Variants in SETBP1 observed in about 807,000 individuals in gnomAD.
SETBP1 encodes SET binding protein 1, also known as SET-binding protein.
A neutral mutation model predicts 101.0 loss-of-function variants in SETBP1; 9 were observed. The ratio of observed to expected loss-of-function variants is 0.09; its 90% confidence interval spans 0.05 to 0.16. The LOEUF (loss-of-function observed/expected upper bound fraction) is 0.16. Among genes scored for constraint, SETBP1 ranks in the 10% least tolerant of loss-of-function variants. The pLI is 1.00. For missense variants in SETBP1, 1,858 were observed against 2,033.8 expected (o/e 0.91, Z 1.66); for synonymous variants, 818 against 788.5 (o/e 1.04, Z -0.63).
chr18:44,773,754 A>G (rs985652893), intron 2 of SETBP1, among the ~76,000 whole-genome samples: 4 of 151,324 alleles, frequency 2.6e-5, no homozygotes, highest in Admixed American at 6.6e-5. Context: ...TGATAAAAGT[A>G]GGTTCATACC....
chr18:44,974,184 C>T (rs1335675404), intron 4 of SETBP1, among the ~76,000 whole-genome samples: 2 of 152,152 alleles, frequency 1.3e-5, no homozygotes, highest in Non-Finnish European at 2.9e-5. Context: ...CCATAATTAT[C>T]ATAGGCCAAT....
intron 3 of SETBP1, chr18:44,876,633 A>T (rs1249256981): frequency 6.4e-7 from 1 of 1,551,470 alleles, no homozygotes. Context: ...TCAAAAAGCA[A>T]TTCCTGTCCC....
intron 1 of SETBP1, among the ~76,000 whole-genome samples, chr18:44,698,696 C>T (rs1389833979): frequency 6.6e-6 from 1 of 152,178 alleles, no homozygotes; most frequent in Non-Finnish European, 1.5e-5. Context: ...AAACTTTCTT[C>T]CTTTTGATTC....
intron 4 of SETBP1, among the ~76,000 whole-genome samples, chr18:45,004,249 T>G (rs2072678913): frequency 6.6e-6 from 1 of 152,224 alleles, no homozygotes; most frequent in East Asian, 1.9e-4. Flanking sequence ...GACCAATTAT[T>G]GTGGTTTTCT....
intron 2 of SETBP1, among the ~76,000 whole-genome samples, chr18:44,710,568 C>G (rs1176073711): frequency 2.7e-5 from 4 of 150,206 alleles, no homozygotes; most frequent in African/African-American, 9.8e-5. Flanking sequence ...TCTCCTGCCT[C>G]AGCCTCCCAA....
intron 3 of SETBP1, among the ~76,000 whole-genome samples, chr18:44,878,192 C>T (rs556040943): frequency 6.6e-6 from 1 of 152,228 alleles, no homozygotes; most frequent in South Asian, 2.1e-4. Flanking sequence ...CAAAGTGAGG[C>T]CAACTGGTTG....
intron 3 of SETBP1, among the ~76,000 whole-genome samples, chr18:44,880,269 G>A (rs1248359196): frequency 6.6e-6 from 1 of 152,146 alleles, no homozygotes; most frequent in African/African-American, 2.4e-5. Context: ...GGAGTGAGAG[G>A]GCATCTGCAG....
intron 4 of SETBP1, among the ~76,000 whole-genome samples, chr18:45,027,495 T>C (rs1475414399): frequency 6.6e-6 from 1 of 152,194 alleles, no homozygotes; most frequent in Non-Finnish European, 1.5e-5. Flanking sequence ...AAAATATCCA[T>C]TGAATAATTT....
intron 2 of SETBP1, among the ~76,000 whole-genome samples, chr18:44,776,690 G>A (rs2071011462): frequency 6.6e-6 from 1 of 152,216 alleles, no homozygotes; most frequent in Non-Finnish European, 1.5e-5. Flanking sequence ...CAAAAAAATA[G>A]TAAAGAAATA....
At chr18:44,917,306 C>T (rs1215877657) in intron 3 of SETBP1, among the ~76,000 whole-genome samples, 1 of 152,126 alleles carries the variant, frequency 6.6e-6, no homozygotes, top group African/African-American at 2.4e-5. Flanking sequence ...ACAGTGCTTT[C>T]CAAGTGCTGT....
chr18:44,709,632 C>T (rs1365789582), intron 2 of SETBP1, among the ~76,000 whole-genome samples: 1 of 152,118 alleles, frequency 6.6e-6, no homozygotes, highest in African/African-American at 2.4e-5. Flanking sequence ...GCATCTCTCC[C>T]TGCGGACCAT....
At chr18:44,852,923 T>G (rs892845855) in intron 2 of SETBP1, among the ~76,000 whole-genome samples, 1 of 152,184 alleles carries the variant, frequency 6.6e-6, no homozygotes, top group Non-Finnish European at 1.5e-5. Context: ...TGATGAGGTA[T>G]GAGCAGCTGC....
At chr18:44,697,286 TG>T (rs1299998625) in intron 1 of SETBP1, 2 of 152,266 alleles carry the variant, frequency 1.3e-5, no homozygotes, top group Non-Finnish European at 2.9e-5. Context: ...AGGTACGTGC[TG>T]GGAAGGAAGC....
At chr18:45,028,565 A>T (rs1296838097) in intron 4 of SETBP1, among the ~76,000 whole-genome samples, 1 of 152,186 alleles carries the variant, frequency 6.6e-6, no homozygotes, top group Non-Finnish European at 1.5e-5. Flanking sequence ...TTCTAGTTCT[A>T]GATCCCCGAG....
At chr18:44,680,179 G>A (rs1353546825), upstream of SETBP1, 2 of 142,884 alleles carry the variant, frequency 1.4e-5, no homozygotes, top group Non-Finnish European at 3.1e-5. Flanking sequence ...CGGGAAGCGC[G>A]GGGCCGGCCG....
chr18:44,746,680 T>C (rs771113729), intron 2 of SETBP1, among the ~76,000 whole-genome samples: 1 of 152,234 alleles, frequency 6.6e-6, no homozygotes, highest in South Asian at 2.1e-4. Flanking sequence ...ATATTCTGAC[T>C]CTTAACAATC....
At chr18:45,033,490 C>T (rs1431056801) in intron 4 of SETBP1, among the ~76,000 whole-genome samples, 2 of 152,174 alleles carry the variant, frequency 1.3e-5, no homozygotes, top group East Asian at 1.9e-4. Flanking sequence ...ACTAACTGCT[C>T]AATATAACTC....
intron 2 of SETBP1, among the ~76,000 whole-genome samples, chr18:44,744,658 G>A (rs904919133): frequency 2.6e-5 from 4 of 152,146 alleles, no homozygotes; most frequent in African/African-American, 7.2e-5. Flanking sequence ...GCTGGAAGCC[G>A]GGCCAAACGC....
chr18:44,757,208 C>T (rs967006351), intron 2 of SETBP1, among the ~76,000 whole-genome samples: 3 of 152,062 alleles, frequency 2.0e-5, no homozygotes, highest in Non-Finnish European at 4.4e-5. Context: ...CTTCAGTGGC[C>T]ACTCCCCCTC....
Sources: gnomAD v4.1 joint callset for allele counts (sites outside exome capture counted in the v4.1 genomes callset) on GRCh38, gnomAD v4.1.1 for gene constraint, MANE v1.5 for transcripts, NCBI Gene and HGNC (gene_info 2026-07-23, HGNC 2026-07-21) for gene names.